Variants in DLG1 observed in about 807,000 individuals in gnomAD.
DLG1 encodes the protein discs large MAGUK scaffold protein 1.
In DLG1, 42 loss-of-function variants were observed where a neutral mutation model predicts 123.4. That is an observed-to-expected ratio of 0.34 (90% CI 0.27 to 0.44). The LOEUF (loss-of-function observed/expected upper bound fraction) is 0.44. Among genes scored for constraint, DLG1 ranks in the 20% least tolerant of loss-of-function variants. The probability of loss-of-function intolerance (pLI) is 1.00; values close to 1 mark genes in which losing one functional copy is unlikely to be tolerated. For missense variants in DLG1, 942 were observed against 1,082.6 expected, an observed-to-expected ratio of 0.87 and a Z score of 1.82; for synonymous variants, 317 against 356.2, an observed-to-expected ratio of 0.89 and a Z score of 1.24.
At chr3:197,109,727 C>T (rs1234460850) in intron 13 of DLG1, among the ~76,000 whole-genome samples, 1 of 152,102 alleles carries the variant, frequency 6.6e-6, no homozygotes, top group African/African-American at 2.4e-5. Context: ...TGGCAATGTC[C>T]TGATTTCTTC....
intron 14 of DLG1, among the ~76,000 whole-genome samples, chr3:197,096,980 C>T (rs1156299686): frequency 6.6e-6 from 1 of 152,206 alleles, no homozygotes; most frequent in East Asian, 1.9e-4. Flanking sequence ...TCTAACTTCA[C>T]AGCTCTAGAA....
chr3:197,237,212 A>G (rs1246955086), intron 4 of DLG1, among the ~76,000 whole-genome samples: 2 of 152,218 alleles, frequency 1.3e-5, no homozygotes, highest in African/African-American at 4.8e-5. Flanking sequence ...GCCATTATAT[A>G]TAAAACAAAA....
At chr3:197,205,469 A>G (rs1260615013) in intron 4 of DLG1, among the ~76,000 whole-genome samples, 3 of 152,236 alleles carry the variant, frequency 2.0e-5, no homozygotes, top group African/African-American at 7.2e-5. Context: ...CAAAAATGTC[A>G]GAATAGGTAA....
chr3:197,169,537 C>T (rs575317066), intron 5 of DLG1, among the ~76,000 whole-genome samples: 47 of 152,104 alleles, frequency 3.1e-4, no homozygotes, highest in African/African-American at 1.0e-3. Context: ...TACAAGAGTT[C>T]GACTCAGGTA....
chr3:197,102,924 G>A (rs1445043059), intron 14 of DLG1, among the ~76,000 whole-genome samples: 2 of 152,132 alleles, frequency 1.3e-5, no homozygotes, highest in East Asian at 3.9e-4. Flanking sequence ...CCAGAAAGTC[G>A]AGGGGTGCAG....
chr3:197,218,093 G>A, intron 4 of DLG1, among the ~76,000 whole-genome samples: 1 of 152,148 alleles, frequency 6.6e-6, no homozygotes, highest in East Asian at 1.9e-4. Flanking sequence ...GAACAGCAAT[G>A]TAAGATAAAA....
At chr3:197,148,639 T>C (rs1792342404) in intron 6 of DLG1, among the ~76,000 whole-genome samples, 3 of 152,062 alleles carry the variant, frequency 2.0e-5, no homozygotes, top group East Asian at 1.9e-4. Context: ...AAGAATGAAG[T>C]TGGACCTCTA....
intron 5 of DLG1, among the ~76,000 whole-genome samples, chr3:197,150,350 C>T (rs989865787): frequency 5.9e-5 from 9 of 151,994 alleles, no homozygotes; most frequent in African/African-American, 2.2e-4. Context: ...CTAGACCACT[C>T]ACAGAATTAA....
intron 13 of DLG1, among the ~76,000 whole-genome samples, chr3:197,109,563 A>G (rs1190858349): frequency 6.6e-6 from 1 of 152,200 alleles, no homozygotes; most frequent in Non-Finnish European, 1.5e-5. Context: ...ATGTTGTTTT[A>G]TATTTACCTG....
intron 10 of DLG1, among the ~76,000 whole-genome samples, chr3:197,132,283 CTT>C (rs1297362419): frequency 1.7e-5 from 2 of 119,370 alleles, no homozygotes; most frequent in Non-Finnish European, 3.5e-5. Context: ...TTGTTCTTCT[CTT>C]TGATACATTT....
At chr3:197,183,486 T>C in intron 5 of DLG1, 2 of 1,229,530 alleles carry the variant, frequency 1.6e-6, no homozygotes, top group Non-Finnish European at 2.2e-6. Flanking sequence ...AAGGCTATTC[T>C]TTAAATAAAA....
chr3:197,089,324 C>T lies in DLG1; in HGVS notation c.1661+1588G>A, dbSNP rs111816777. ...GGTGAGGCCCATGAAGTCAGGAGAT[C>T]GAGACCAGCCTGGCAAACATGGTGA... On this transcript the variant is annotated intron_variant, in intron 15 of 24. Transcript: ENST00000667157. Among the ~76,000 whole-genome samples the T allele has an allele frequency of 1.0e-2, 1,514 of 152,066 alleles. 24 individuals carry two copies. Among genetic ancestry groups the T allele is most frequent in the African/African-American group, 0.034 (1,408 of 41,466 alleles).
chr3:197,288,478 T>C (rs1390989798), intron 3 of DLG1, among the ~76,000 whole-genome samples: 1 of 151,130 alleles, frequency 6.6e-6, no homozygotes, highest in Non-Finnish European at 1.5e-5. Flanking sequence ...TCCCAGCACT[T>C]CGAGAGGCTG....
chr3:197,204,680 TAAAG>T (rs1727610806), intron 4 of DLG1, among the ~76,000 whole-genome samples: 1 of 152,022 alleles, frequency 6.6e-6, no homozygotes, highest in African/African-American at 2.4e-5. Context: ...ATAATACAAA[TAAAG>T]AACAATGCAG....
chr3:197,257,540 G>A (rs1364199159), intron 4 of DLG1, among the ~76,000 whole-genome samples: 3 of 152,134 alleles, frequency 2.0e-5, no homozygotes, highest in Non-Finnish European at 4.4e-5. Flanking sequence ...AAAAGAGGCT[G>A]ACAAAGCAGA....
intron 4 of DLG1, among the ~76,000 whole-genome samples, chr3:197,232,380 A>G (rs1224607091): frequency 4.2e-5 from 6 of 144,086 alleles, no homozygotes; most frequent in African/African-American, 1.2e-4. Flanking sequence ...AAAAAAAAAA[A>G]GGTGCAAGAA....
intron 14 of DLG1, among the ~76,000 whole-genome samples, chr3:197,093,417 A>G (rs1011340723): frequency 3.3e-5 from 5 of 152,204 alleles, no homozygotes; most frequent in African/African-American, 9.6e-5. Flanking sequence ...TCGGCCTCCC[A>G]AAGTGCTGGG....
chr3:197,077,230 A>AAT (rs10662550), intron 17 of DLG1, among the ~76,000 whole-genome samples: 79,951 of 149,502 alleles, frequency 0.53, 22,441 homozygotes, highest in East Asian at 0.81. Flanking sequence ...TTAAAAAACA[A>AAT]ATATATATAT....
chr3:197,256,988 G>T (rs562792431), intron 4 of DLG1, among the ~76,000 whole-genome samples: 2 of 152,096 alleles, frequency 1.3e-5, no homozygotes, highest in South Asian at 4.1e-4. Flanking sequence ...TCTATTACAG[G>T]TTACTGAACA....
Sources: allele counts gnomAD v4.1 joint callset (sites outside exome capture counted in the v4.1 genomes callset), GRCh38; gene constraint gnomAD v4.1.1; transcripts MANE v1.5; gene names NCBI Gene and HGNC (gene_info 2026-07-23, HGNC 2026-07-21).